Variants in DUSP29 observed in about 807,000 individuals in gnomAD.
DUSP29 encodes the protein atypical dual-specific protein phosphatase.
DUSP29 carries 12 observed loss-of-function variants against 13.5 expected under a neutral mutation model. The ratio of observed to expected loss-of-function variants is 0.89; its 90% confidence interval spans 0.57 to 1.44. DUSP29 has a LOEUF of 1.44. Among genes scored for constraint, DUSP29 ranks in the 40% most tolerant of loss-of-function variants. The probability of loss-of-function intolerance (pLI) is 0.00; values close to 1 mark genes in which losing one functional copy is unlikely to be tolerated. For missense variants in DUSP29, 308 were observed against 301.1 expected, an observed-to-expected ratio of 1.02 and a Z score of -0.17; for synonymous variants, 134 against 128.7, an observed-to-expected ratio of 1.04 and a Z score of -0.28.
At position 75,050,395 on chromosome 10, in the gene DUSP29, T is replaced by C. The variant is rs536316855; in HGVS notation, c.201-6378A>G. On this transcript the variant is annotated intron_variant, in intron 2 of 3. Transcript: ENST00000338487. ...TCATTGACGCCAGTCCCTGGCTCTC[T>C]GGAGGACAACACTTGGTTAACCTAA... Among the ~76,000 whole-genome samples, 134 of 152,388 alleles carry C rather than the reference T, an allele frequency of 8.8e-4. 1 individual carries two copies. Among genetic ancestry groups the C allele is most frequent in the African/African-American group, 2.5e-3 (106 of 41,598 alleles).
intron 1 of DUSP29, among the ~76,000 whole-genome samples, chr10:75,063,032 A>G (rs949650726): frequency 2.6e-5 from 4 of 152,208 alleles, no homozygotes; most frequent in African/African-American, 4.8e-5. Context: ...GGCCAGGCAG[A>G]TAACATAGAG....
At chr10:75,047,783 A>C (rs1032835309) in intron 2 of DUSP29, among the ~76,000 whole-genome samples, 1 of 151,780 alleles carries the variant, frequency 6.6e-6, no homozygotes, top group African/African-American at 2.4e-5. Flanking sequence ...TAGAAAACAT[A>C]CTCCCCCCTC....
At chr10:75,042,383 T>C (rs183588775) in intron 3 of DUSP29, among the ~76,000 whole-genome samples, 1 of 152,354 alleles carries the variant, frequency 6.6e-6, no homozygotes, top group East Asian at 1.9e-4. Context: ...GCAGTCTTTG[T>C]TTTTTTCATG....
intron 2 of DUSP29, among the ~76,000 whole-genome samples, chr10:75,050,241 T>C (rs1381762870): frequency 6.6e-6 from 1 of 152,224 alleles, no homozygotes; most frequent in African/African-American, 2.4e-5. Flanking sequence ...AAATGAAAGA[T>C]GTGAACGAGA....
rs1034401127 is a variant in DUSP29 at position 75,038,634 on chromosome 10, G to A, written c.422-557C>T. On this transcript the variant is annotated intron_variant, in intron 3 of 3. Transcript: ENST00000338487. ...TCAGTACTTGAAACAGATGAAAGCT[G>A]TAGTTCATTAAGCCTTTTGGGGGCC... Among the ~76,000 whole-genome samples the A allele has an allele frequency of 1.6e-4, 23 of 147,888 alleles. No homozygotes were observed. The Admixed American group carries it at 1.6e-3, about 10-fold the overall frequency.
intron 1 of DUSP29, among the ~76,000 whole-genome samples, chr10:75,073,138 A>C (rs1451660077): frequency 6.6e-6 from 1 of 151,816 alleles, no homozygotes; most frequent in Non-Finnish European, 1.5e-5. Flanking sequence ...CTGGAGCTTT[A>C]AGTACTTTCT....
chr10:75,056,832 CTACCTCATTTAACCTAGTA>C (rs1846970085), intron 2 of DUSP29, among the ~76,000 whole-genome samples: 1 of 152,126 alleles, frequency 6.6e-6, no homozygotes, highest in Non-Finnish European at 1.5e-5. Flanking sequence ...TTATAACCCT[CTACCTCATTTAACCTAGTA>C]TAATTAAGCA....
intron 3 of DUSP29, 144 bp from the exon 4 acceptor site, chr10:75,038,221 G>A (rs979934768): frequency 2.2e-5 from 24 of 1,115,216 alleles, no homozygotes; most frequent in Admixed American, 8.5e-5. Context: ...TCTGTAGAAC[G>A]GGGACACTCT....
chr10:75,068,165 C>G (rs1847244106), intron 1 of DUSP29, among the ~76,000 whole-genome samples: 1 of 152,062 alleles, frequency 6.6e-6, no homozygotes, highest in Non-Finnish European at 1.5e-5. Context: ...AAGTTACCAC[C>G]TTAGCATTTT....
Position 75,043,964 on chromosome 10 carries a change from A to G in DUSP29, c.254T>C (p.Leu85Pro), listed in dbSNP as rs1846647519. The G allele has an allele frequency of 1.9e-6, 3 of 1,613,322 alleles. No homozygotes were observed. The highest frequency in any genetic ancestry group is 2.5e-6 in the Non-Finnish European group (3 of 1,179,918). ...GTTCCAGCGGCCGTGGGCCGCGTTC[A>G]GCACGTGCGTGAACCCCGCCTTCTG... ...RLQKAGFTHVLNAAHGRWNVD... is the reference protein window; with the variant it reads ...RLQKAGFTHVPNAAHGRWNVD... Residue 85 changes from leucine to proline, a missense_variant, in exon 3 of 4, where the codon CTG (leucine) becomes CCG (proline). Physicochemically the swap from Leu to Pro is moderately conservative, Grantham distance 98. Transcript: ENST00000338487.
rs993695364 is a variant in DUSP29, at chr10:75,037,611, C to G, written c.*225G>C. 6.6e-6 allele frequency among the ~76,000 whole-genome samples: 1 copy of G among 152,136 alleles called. No individual in the cohort carries two copies. The highest frequency in any genetic ancestry group is 2.4e-5 in the African/African-American group (1 of 41,434). The stretch of plus-strand genomic sequence containing the variant: ...GGCATGCTCCTCTGTGACCCAGAGC[C>G]GGGGAGCCCGTCCCTCCCATTTTGC... On this transcript the variant is annotated 3_prime_UTR_variant, in exon 4 of 4. Transcript: ENST00000338487.
In DUSP29 at chr10:75,058,398, A is replaced by C; in HGVS notation, c.117T>G (p.Phe39Leu). 1.2e-6 allele frequency: 2 copies of C among 1,614,226 alleles called. No individual in the cohort carries two copies. Among genetic ancestry groups the C allele is most frequent in the Non-Finnish European group, 1.7e-6 (2 of 1,180,026 alleles). Residue 39 changes from phenylalanine to leucine, a missense_variant, in exon 2 of 4, where the codon TTT becomes TTG. Physicochemically the swap from Phe to Leu is conservative, Grantham distance 22 (BLOSUM62 0). Coordinates refer to ENST00000338487, the MANE Select transcript of DUSP29 (RefSeq NM_001003892.3). ...EEEDYCTPGA[F>L]ELERLFWKGS... is the part of the protein sequence containing the mutation. ...CCTTCCAGAAGAGCCGCTCCAGCTC[A>C]AAGGCTCCAGGGGTGCAGTAGTCCT...
chr10:75,048,966 C>T (rs1011163921), intron 2 of DUSP29, among the ~76,000 whole-genome samples: 1 of 152,186 alleles, frequency 6.6e-6, no homozygotes, highest in African/African-American at 2.4e-5. Flanking sequence ...GCAGTACTTT[C>T]CTTGTGAGAG....
At chr10:75,051,815 C>T (rs575154682) in intron 2 of DUSP29, among the ~76,000 whole-genome samples, 2 of 152,382 alleles carry the variant, frequency 1.3e-5, no homozygotes, top group African/African-American at 4.8e-5. Flanking sequence ...CCAAGAAACA[C>T]AGGCAGCCTT....
intron 1 of DUSP29, among the ~76,000 whole-genome samples, chr10:75,066,867 T>C (rs1259334449): frequency 6.6e-6 from 1 of 152,206 alleles, no homozygotes; most frequent in East Asian, 1.9e-4. Context: ...AAGGTCATCC[T>C]AGCCGCCTGT....
At chr10:75,064,263 A>G (rs148029785) in intron 1 of DUSP29, among the ~76,000 whole-genome samples, 1 of 152,056 alleles carries the variant, frequency 6.6e-6, no homozygotes, top group Non-Finnish European at 1.5e-5. Flanking sequence ...TAATCCCAGC[A>G]CTTTGGGAGG....
At chr10:75,039,689 C>T (rs1394619006) in intron 3 of DUSP29, among the ~76,000 whole-genome samples, 2 of 152,174 alleles carry the variant, frequency 1.3e-5, no homozygotes, top group East Asian at 1.9e-4. Flanking sequence ...TCCTTCCTTG[C>T]TTTCAGGAGA....
intron 1 of DUSP29, 58 bp from the exon 2 acceptor site, chr10:75,058,606 G>T: frequency 7.1e-7 from 1 of 1,405,800 alleles, no homozygotes; most frequent in Non-Finnish European, 9.8e-7. Context: ...GCAGGGAATA[G>T]GCTTTACAAA....
intron 2 of DUSP29, among the ~76,000 whole-genome samples, chr10:75,050,663 G>A (rs764196154): frequency 5.9e-5 from 9 of 152,250 alleles, no homozygotes; most frequent in African/African-American, 1.2e-4. Flanking sequence ...ACGCTGTGCC[G>A]AGTCATGCCT....
Sources: allele counts gnomAD v4.1 joint callset (sites outside exome capture counted in the v4.1 genomes callset), GRCh38; gene constraint gnomAD v4.1.1; transcripts MANE v1.5; gene names NCBI Gene and HGNC (gene_info 2026-07-23, HGNC 2026-07-21).